The following KIAA0825 variants were observed in gnomAD, a reference collection of about 807,000 sequenced individuals.
The protein encoded by KIAA0825 is KIAA0825.
In KIAA0825, 119 loss-of-function variants were observed where a neutral mutation model predicts 147.6. The observed-to-expected ratio is 0.81, with a 90% CI of 0.69 to 0.94. KIAA0825 has a LOEUF of 0.94. Ranked by LOEUF, KIAA0825 falls within the 40% of genes least tolerant of loss-of-function variation. The pLI is 0.00. For synonymous variants in KIAA0825, 470 were observed against 518.1 expected, an observed-to-expected ratio of 0.91 and a Z score of 1.26; for missense variants, 1,381 against 1,472.7, an observed-to-expected ratio of 0.94 and a Z score of 1.02.
intron 2 of KIAA0825, among the ~76,000 whole-genome samples, chr5:94,565,007 TCC>T (rs1243273847): frequency 1.8e-3 from 217 of 119,862 alleles, no homozygotes; most frequent in African/African-American, 6.4e-3. Flanking sequence ...TCTCTCTCTC[TCC>T]CTCTCTCTCT....
chr5:94,225,025 G>A (rs1195306501), intron 20 of KIAA0825, among the ~76,000 whole-genome samples: 1 of 152,122 alleles, frequency 6.6e-6, no homozygotes. Context: ...CCTCCTAAGA[G>A]GCTGAGGTGC....
chr5:94,284,492 T>A (rs1777584723), intron 20 of KIAA0825, among the ~76,000 whole-genome samples: 2 of 152,130 alleles, frequency 1.3e-5, no homozygotes, highest in South Asian at 2.1e-4. Context: ...GCAGACAAGT[T>A]ACAAGTTTAC....
chr5:94,396,584 G>C (rs1343061529), intron 16 of KIAA0825, 75 bp from the exon 17 acceptor site: 1 of 1,207,706 alleles, frequency 8.3e-7, no homozygotes, highest in African/African-American at 1.6e-5. Context: ...TGTTGTATAA[G>C]GATGTCTAAT....
chr5:94,490,213 C>A (rs1250581659), intron 5 of KIAA0825, among the ~76,000 whole-genome samples: 1 of 152,008 alleles, frequency 6.6e-6, no homozygotes, highest in Non-Finnish European at 1.5e-5. Context: ...CAGAACTCAG[C>A]ATAATCTCAT....
chr5:94,171,140 C>T (rs2149949331), intron 20 of KIAA0825, among the ~76,000 whole-genome samples: 1 of 152,284 alleles, frequency 6.6e-6, no homozygotes, highest in African/African-American at 2.4e-5. Context: ...TCCCACATGT[C>T]ATGGGAGGAA....
intron 1 of KIAA0825, among the ~76,000 whole-genome samples, chr5:94,597,564 T>C (rs1785535636): frequency 6.6e-6 from 1 of 152,156 alleles, no homozygotes; most frequent in Non-Finnish European, 1.5e-5. Flanking sequence ...AAAGAAACCT[T>C]TCCAAGACAT....
At chr5:94,512,667 G>T (rs183111240) in intron 5 of KIAA0825, among the ~76,000 whole-genome samples, 99 of 151,540 alleles carry the variant, frequency 6.5e-4, no homozygotes, top group Non-Finnish European at 1.2e-3. Context: ...GCTGAGGTGG[G>T]CGGATCATCT....
chr5:94,259,332 A>C (rs879530537), intron 20 of KIAA0825, among the ~76,000 whole-genome samples: 2 of 152,090 alleles, frequency 1.3e-5, no homozygotes, highest in African/African-American at 2.4e-5. Context: ...CAAGATTCAC[A>C]CTTTCAGTGA....
intron 20 of KIAA0825, among the ~76,000 whole-genome samples, chr5:94,172,096 A>C (rs892844015): frequency 6.6e-6 from 1 of 152,198 alleles, no homozygotes; most frequent in Non-Finnish European, 1.5e-5. Flanking sequence ...GATGGAAATA[A>C]TTATATGAAG....
chr5:94,592,998 G>T, intron 1 of KIAA0825: 1 of 612,664 alleles, frequency 1.6e-6, no homozygotes, highest in South Asian at 1.6e-5. Flanking sequence ...TACTTTGGAA[G>T]CTTCAAAAGC....
chr5:94,266,649 C>G (rs1776749094), intron 20 of KIAA0825, among the ~76,000 whole-genome samples: 1 of 152,170 alleles, frequency 6.6e-6, no homozygotes, highest in South Asian at 2.1e-4. Context: ...ACATGATAAT[C>G]CAGCTATGTT....
chr5:94,537,176 C>T, intron 2 of KIAA0825, 49 bp from the exon 3 acceptor site: 3 of 1,511,096 alleles, frequency 2.0e-6, no homozygotes, highest in Non-Finnish European at 2.7e-6. Flanking sequence ...CCCACAATGG[C>T]CAGGGATAGG....
chr5:94,571,143 A>G (rs1386521275), intron 2 of KIAA0825, among the ~76,000 whole-genome samples: 1 of 152,226 alleles, frequency 6.6e-6, no homozygotes, highest in Non-Finnish European at 1.5e-5. Context: ...AATTTGCTAA[A>G]AGAAGGCATT....
At chr5:94,230,388 A>C (rs1344938640) in intron 20 of KIAA0825, among the ~76,000 whole-genome samples, 5 of 152,166 alleles carry the variant, frequency 3.3e-5, no homozygotes, top group Non-Finnish European at 5.9e-5. Flanking sequence ...ACTTTCTACT[A>C]TTCTGCCTTC....
At position 94,605,495 on chromosome 5, in the gene KIAA0825, A is replaced by G. The variant is rs953819264; in HGVS notation, c.-153+13005T>C. Among the ~76,000 whole-genome samples, 23 of 152,322 alleles carry G rather than the reference A, an allele frequency of 1.5e-4. No individual in the cohort carries two copies. The Middle Eastern group carries it at 0.014, about 90-fold the overall frequency. ...AACTTCAGGCCAATATTCTAGCTGAACATCAGTGCAAAAATCATCAAAAAA... is the reference window on the plus strand; with the variant it reads ...AACTTCAGGCCAATATTCTAGCTGAGCATCAGTGCAAAAATCATCAAAAAA... On this transcript the variant is annotated intron_variant, in intron 1 of 20. Coordinates refer to ENST00000682413, the MANE Select transcript of KIAA0825 (RefSeq NM_001145678.3).
chr5:94,617,976 G>C (rs547083573), intron 1 of KIAA0825: 1 of 152,336 alleles, frequency 6.6e-6, no homozygotes, highest in Admixed American at 6.5e-5. Context: ...TGAAAACAAA[G>C]ACCGTTCTTC....
At chr5:94,175,040 T>G (rs906986676) in intron 20 of KIAA0825, among the ~76,000 whole-genome samples, 1 of 152,182 alleles carries the variant, frequency 6.6e-6, no homozygotes, top group Non-Finnish European at 1.5e-5. Context: ...TTTCTAGCCC[T>G]TCTTTATGAG....
chr5:94,351,356 A>T (rs921569125), intron 20 of KIAA0825, among the ~76,000 whole-genome samples: 1 of 152,116 alleles, frequency 6.6e-6, no homozygotes, highest in African/African-American at 2.4e-5. Context: ...ACAACAAAAA[A>T]CACCACTTAG....
chr5:94,451,450 C>T (rs1420711238), intron 13 of KIAA0825, among the ~76,000 whole-genome samples: 3 of 152,076 alleles, frequency 2.0e-5, no homozygotes, highest in African/African-American at 7.3e-5. Flanking sequence ...GTTTTTAATA[C>T]GTATTACTAA....
Sources: allele counts gnomAD v4.1 joint callset (sites outside exome capture counted in the v4.1 genomes callset), GRCh38; gene constraint gnomAD v4.1.1; transcripts MANE v1.5; gene names NCBI Gene and HGNC (gene_info 2026-07-23, HGNC 2026-07-21).